Variants in FAM107B observed in about 807,000 individuals in gnomAD.
FAM107B encodes the protein family with sequence similarity 107 member B, also known as protein FAM107B.
FAM107B carries 21 observed loss-of-function variants against 31.5 expected under a neutral mutation model. That is an observed-to-expected ratio of 0.67 (90% CI 0.47 to 0.96). The LOEUF is 0.96. Ranked by LOEUF, FAM107B falls within the 40% of genes least tolerant of loss-of-function variation. The pLI is 0.00. For synonymous variants in FAM107B, 157 were observed against 141.5 expected (o/e 1.11, Z -0.78); for missense variants, 452 against 377.1 (o/e 1.20, Z -1.64).
intron 1 of FAM107B, among the ~76,000 whole-genome samples, chr10:14,718,639 C>G (rs1213274041): frequency 6.6e-6 from 1 of 152,146 alleles, no homozygotes; most frequent in African/African-American, 2.4e-5. Flanking sequence ...ATGCACCAAC[C>G]AACTGAAGAT....
At chr10:14,738,909 G>T (rs1358898232) in intron 1 of FAM107B, among the ~76,000 whole-genome samples, 1 of 152,204 alleles carries the variant, frequency 6.6e-6, no homozygotes, top group East Asian at 1.9e-4. Context: ...ACAACTTTGT[G>T]GGTCAGGAAT....
At chr10:14,771,261 T>C (rs1158607752) in intron 1 of FAM107B, among the ~76,000 whole-genome samples, 2 of 152,180 alleles carry the variant, frequency 1.3e-5, no homozygotes, top group Non-Finnish European at 2.9e-5. Flanking sequence ...AAAATGGACA[T>C]CTTCTGTGGT....
At chr10:14,702,869 C>A (rs1224474071) in intron 1 of FAM107B, among the ~76,000 whole-genome samples, 1 of 152,110 alleles carries the variant, frequency 6.6e-6, no homozygotes, top group Non-Finnish European at 1.5e-5. Context: ...GACAGACCCA[C>A]CAAGAATTGT....
At chr10:14,601,478 T>C (rs181127459) in intron 2 of FAM107B, among the ~76,000 whole-genome samples, 49 of 152,236 alleles carry the variant, frequency 3.2e-4, no homozygotes, top group African/African-American at 1.1e-3. Context: ...AAGGGAACTA[T>C]ACAAGGAAAT....
intron 2 of FAM107B, among the ~76,000 whole-genome samples, chr10:14,559,488 G>C (rs1249757730): frequency 6.6e-6 from 1 of 151,512 alleles, no homozygotes; most frequent in African/African-American, 2.4e-5. Context: ...AAAAAGAGGA[G>C]GCAACTGAAA....
At chr10:14,670,940 T>A (rs1247422014) in intron 1 of FAM107B, among the ~76,000 whole-genome samples, 1 of 152,272 alleles carries the variant, frequency 6.6e-6, no homozygotes, top group Non-Finnish European at 1.5e-5. Context: ...GCGTTCGTAG[T>A]GGCTTTTTCC....
chr10:14,612,736 C>A (rs1368448311), intron 2 of FAM107B, among the ~76,000 whole-genome samples: 1 of 152,034 alleles, frequency 6.6e-6, no homozygotes, highest in East Asian at 1.9e-4. Context: ...AAATAACAGA[C>A]CTTTGTCCAA....
At chr10:14,529,870 T>C (rs548203805) in intron 3 of FAM107B, 1 of 153,926 alleles carries the variant, frequency 6.5e-6, no homozygotes, top group Admixed American at 6.5e-5. Context: ...AAAACATGAG[T>C]GTCCTATCTA....
chr10:14,553,571 C>T, intron 2 of FAM107B: 1 of 321,880 alleles, frequency 3.1e-6, no homozygotes, highest in Non-Finnish European at 6.1e-6. Flanking sequence ...CATTTAACCC[C>T]ACCACACAGG....
At chr10:14,771,411 T>A (rs1833299696) in intron 1 of FAM107B, among the ~76,000 whole-genome samples, 1 of 152,232 alleles carries the variant, frequency 6.6e-6, no homozygotes, top group South Asian at 2.1e-4. Context: ...GAGTATTCGA[T>A]AGTACGGTGG....
chr10:14,732,917 TTAA>T (rs943054040), intron 1 of FAM107B, among the ~76,000 whole-genome samples: 3 of 146,356 alleles, frequency 2.0e-5, no homozygotes, highest in African/African-American at 7.4e-5. Flanking sequence ...TAATATTATA[TTAA>T]TATTATATAA....
At chr10:14,706,626 C>G (rs1855526411) in intron 1 of FAM107B, among the ~76,000 whole-genome samples, 1 of 152,330 alleles carries the variant, frequency 6.6e-6, no homozygotes, top group East Asian at 1.9e-4. Context: ...TTCCCCAAAT[C>G]TGCTGAATAT....
At chr10:14,724,622 C>T (rs1007508295) in intron 1 of FAM107B, among the ~76,000 whole-genome samples, 1 of 151,826 alleles carries the variant, frequency 6.6e-6, no homozygotes, top group African/African-American at 2.4e-5. Context: ...CAGGTGGTCA[C>T]ATTTTTATTT....
chr10:14,730,635 C>G (rs142738583), intron 1 of FAM107B, among the ~76,000 whole-genome samples: 2 of 152,194 alleles, frequency 1.3e-5, no homozygotes, highest in Non-Finnish European at 2.9e-5. Flanking sequence ...TGATCTGGTT[C>G]GTGTTTACAA....
chr10:14,713,065 G>A (rs973265563), intron 1 of FAM107B, among the ~76,000 whole-genome samples: 2 of 152,174 alleles, frequency 1.3e-5, no homozygotes, highest in East Asian at 1.9e-4. Context: ...TCGCTGATAC[G>A]ATTTGCTGTA....
intron 1 of FAM107B, among the ~76,000 whole-genome samples, chr10:14,772,021 C>G (rs1344315782): frequency 1.3e-5 from 2 of 152,180 alleles, no homozygotes; most frequent in African/African-American, 4.8e-5. Context: ...GTCTTACCCT[C>G]TTTAAGCATC....
intron 1 of FAM107B, among the ~76,000 whole-genome samples, chr10:14,767,206 G>A (rs1833201251): frequency 6.8e-6 from 1 of 147,832 alleles, no homozygotes; most frequent in African/African-American, 2.5e-5. Flanking sequence ...GTCATTCTCT[G>A]CCTCAGCCTC....
At chr10:14,722,100 G>A (rs1279428200) in intron 1 of FAM107B, among the ~76,000 whole-genome samples, 1 of 152,140 alleles carries the variant, frequency 6.6e-6, no homozygotes, top group African/African-American at 2.4e-5. Flanking sequence ...TGATTTGTTA[G>A]TGTAGTCACA....
chr10:14,557,329 T>C (rs978746490), intron 2 of FAM107B, among the ~76,000 whole-genome samples: 1 of 152,250 alleles, frequency 6.6e-6, no homozygotes, highest in Non-Finnish European at 1.5e-5. Context: ...AATGTTCAAT[T>C]ATCATCTGTT....
Sources: gnomAD v4.1 joint callset for allele counts (sites outside exome capture counted in the v4.1 genomes callset) on GRCh38, gnomAD v4.1.1 for gene constraint, MANE v1.5 for transcripts, NCBI Gene and HGNC (gene_info 2026-07-23, HGNC 2026-07-21) for gene names.